CTNNA3: variants seen among roughly 807,000 people sequenced by gnomAD.
CTNNA3 encodes the protein catenin alpha 3, also known as catenin alpha-3.
CTNNA3 carries 76 observed loss-of-function variants against 95.7 expected under a neutral mutation model. The observed-to-expected ratio is 0.79, with a 90% CI of 0.66 to 0.96. The LOEUF is 0.96. CTNNA3 is among the 40% of genes least tolerant of loss of function. The probability of loss-of-function intolerance (pLI) is 0.00; values close to 1 mark genes in which losing one functional copy is unlikely to be tolerated. For missense variants in CTNNA3, 1,191 were observed against 1,089.8 expected, an observed-to-expected ratio of 1.09 and a Z score of -1.31; for synonymous variants, 431 against 374.4, an observed-to-expected ratio of 1.15 and a Z score of -1.74.
chr10:66,658,248 C>CG (rs1846137955), intron 9 of CTNNA3, among the ~76,000 whole-genome samples: 1 of 139,388 alleles, frequency 7.2e-6, no homozygotes. Context: ...CTCTCTCCCC[C>CG]TCCCTCTCTC....
rs1219914002 is a variant in CTNNA3, at chr10:65,915,271, AT to A, written c.*5058del. 2.6e-5 allele frequency: 4 copies of A among 152,118 alleles called. No homozygotes were observed. The highest frequency in any genetic ancestry group is 7.2e-5 in the African/African-American group (3 of 41,440). The allele number at this position is 152,118 out of a possible 1,614,324, so 9.4% of individuals were successfully genotyped here. ...ACAATATTACTAAATCATGCTCAAA[AT>A]ATGTGTAGTTCATCCTTTTGCCTTC... On this transcript the variant is annotated 3_prime_UTR_variant, in exon 18 of 18. Coordinates refer to ENST00000433211, the MANE Select transcript of CTNNA3 (RefSeq NM_013266.4).
chr10:65,950,171 C>G (rs1303262090), intron 17 of CTNNA3, among the ~76,000 whole-genome samples: 2 of 152,098 alleles, frequency 1.3e-5, no homozygotes, highest in African/African-American at 2.4e-5. Context: ...CACACACACA[C>G]ACACACAAAC....
At chr10:67,668,364 T>C (rs1055345698) in intron 1 of CTNNA3, among the ~76,000 whole-genome samples, 3 of 152,202 alleles carry the variant, frequency 2.0e-5, no homozygotes, top group Non-Finnish European at 4.4e-5. Flanking sequence ...AGACAAGGTA[T>C]GTGTTCCAAG....
chr10:66,577,659 T>A (rs1447196537), intron 10 of CTNNA3, among the ~76,000 whole-genome samples: 2 of 151,994 alleles, frequency 1.3e-5, no homozygotes, highest in East Asian at 1.9e-4. Context: ...TATCTCAGGG[T>A]TCTCTAACCT....
At chr10:66,436,608 G>A (rs536626982) in intron 11 of CTNNA3, among the ~76,000 whole-genome samples, 1 of 143,398 alleles carries the variant, frequency 7.0e-6, no homozygotes, top group South Asian at 2.3e-4. Flanking sequence ...TAAGTCTCCT[G>A]AATACAGGAC....
At chr10:66,543,905 GTGTGTGTA>G (rs869196483) in intron 10 of CTNNA3, among the ~76,000 whole-genome samples, 1,346 of 101,830 alleles carry the variant, frequency 0.013, 4 homozygotes, top group Non-Finnish European at 0.015. Context: ...TGAGATGTGT[GTGTGTGTA>G]TATATATATA....
chr10:67,573,624 T>C (rs1842046978), intron 3 of CTNNA3, among the ~76,000 whole-genome samples: 1 of 151,616 alleles, frequency 6.6e-6, no homozygotes, highest in Non-Finnish European at 1.5e-5. Context: ...AGACAGAAGG[T>C]TAGATAGACT....
chr10:67,248,132 G>A (rs1865973642), intron 5 of CTNNA3, among the ~76,000 whole-genome samples: 1 of 152,080 alleles, frequency 6.6e-6, no homozygotes, highest in South Asian at 2.1e-4. Flanking sequence ...AACCAGCCTG[G>A]GCAACATGGC....
chr10:66,475,012 T>C (rs989929141), intron 11 of CTNNA3, among the ~76,000 whole-genome samples: 5 of 152,096 alleles, frequency 3.3e-5, no homozygotes, highest in African/African-American at 1.2e-4. Flanking sequence ...TCTCATTCTG[T>C]AGGTTGTCTC....
At chr10:67,432,058 A>G (rs1846126950) in intron 5 of CTNNA3, among the ~76,000 whole-genome samples, 1 of 152,036 alleles carries the variant, frequency 6.6e-6, no homozygotes, top group Non-Finnish European at 1.5e-5. Context: ...CTGAATAAAA[A>G]TGAAACAGCA....
intron 13 of CTNNA3, among the ~76,000 whole-genome samples, chr10:66,163,640 C>T (rs2084968048): frequency 6.6e-6 from 1 of 152,102 alleles, no homozygotes; most frequent in African/African-American, 2.4e-5. Context: ...TTTGTTCTTG[C>T]AGTTGATTTC....
chr10:66,280,806 C>T lies in CTNNA3; in HGVS notation c.1733-185G>A, dbSNP rs367881835. ...TATCTTGAATCTCTGAAAAGTAAAA[C>T]GAATCAAAGACAATTAAAGGCATTT... On this transcript the variant is annotated intron_variant, in intron 12 of 17. Coordinates refer to ENST00000433211, the MANE Select transcript of CTNNA3 (RefSeq NM_013266.4). Among the ~76,000 whole-genome samples, 105 of 150,096 alleles carry T rather than the reference C, an allele frequency of 7.0e-4. No individual in the cohort carries two copies. In the South Asian group the frequency reaches 0.015, roughly 22 times the overall value.
chr10:66,269,343 A>AT (rs2091227937), intron 13 of CTNNA3, among the ~76,000 whole-genome samples: 3 of 152,194 alleles, frequency 2.0e-5, no homozygotes, highest in Admixed American at 2.0e-4. Flanking sequence ...TTGTAAATGC[A>AT]TTGTCAATGT....
intron 11 of CTNNA3, among the ~76,000 whole-genome samples, chr10:66,459,705 A>G (rs2093515990): frequency 6.6e-6 from 1 of 152,188 alleles, no homozygotes; most frequent in African/African-American, 2.4e-5. Flanking sequence ...CCTGCATAGC[A>G]TGTTGCTGTA....
chr10:66,219,771 C>T (rs1038280128), intron 13 of CTNNA3, among the ~76,000 whole-genome samples: 3 of 152,104 alleles, frequency 2.0e-5, no homozygotes, highest in Non-Finnish European at 4.4e-5. Context: ...TTTCAAGCCA[C>T]TATGATTTGG....
chr10:66,551,639 GTGTT>G (rs1842218840), intron 10 of CTNNA3, among the ~76,000 whole-genome samples: 2 of 152,126 alleles, frequency 1.3e-5, no homozygotes, highest in South Asian at 4.1e-4. Context: ...CGTCTTGTGT[GTGTT>G]TGATAAAATA....
At chr10:67,111,342 G>A (rs1370141879) in intron 7 of CTNNA3, among the ~76,000 whole-genome samples, 1 of 151,992 alleles carries the variant, frequency 6.6e-6, no homozygotes, top group East Asian at 1.9e-4. Context: ...CCAAACCTAG[G>A]TTCCAAAGTA....
intron 13 of CTNNA3, among the ~76,000 whole-genome samples, chr10:66,141,664 C>T (rs1445078921): frequency 6.6e-6 from 1 of 151,934 alleles, no homozygotes; most frequent in Non-Finnish European, 1.5e-5. Flanking sequence ...TTTTGTCATA[C>T]TCCAGTGAAT....
At chr10:67,345,128 A>G (rs1842362113) in intron 5 of CTNNA3, among the ~76,000 whole-genome samples, 1 of 151,900 alleles carries the variant, frequency 6.6e-6, no homozygotes, top group African/African-American at 2.4e-5. Flanking sequence ...CAGGTTGTTT[A>G]ATTTCCTTTT....
Sources: allele counts gnomAD v4.1 joint callset (sites outside exome capture counted in the v4.1 genomes callset), GRCh38; gene constraint gnomAD v4.1.1; transcripts MANE v1.5; gene names NCBI Gene and HGNC (gene_info 2026-07-23, HGNC 2026-07-21).